COL15A1: variants seen among roughly 807,000 people sequenced by gnomAD.
The protein encoded by COL15A1 is collagen type XV alpha 1 chain.
A neutral mutation model predicts 165.9 loss-of-function variants in COL15A1; 111 were observed. That is an observed-to-expected ratio of 0.67 (90% CI 0.57 to 0.78). COL15A1 has a LOEUF of 0.78. Among genes scored for constraint, COL15A1 ranks in the 30% least tolerant of loss-of-function variants. The pLI, the probability that COL15A1 is intolerant of heterozygous loss-of-function variation, is 0.00. For synonymous variants in COL15A1, 659 were observed against 674.8 expected (o/e 0.98, Z 0.36); for missense variants, 1,745 against 1,789.7 (o/e 0.98, Z 0.45).
At chr9:99,036,419 C>T in intron 21 of COL15A1, 23 bp downstream of exon 21, 1 of 1,611,634 alleles carries the variant, frequency 6.2e-7, no homozygotes, top group South Asian at 1.1e-5. Context: ...CAGGTCAGAG[C>T]TTGTCTACAT....
At position 99,034,625 on chromosome 9, in the gene COL15A1, C is replaced by T. The variant is rs778619141; in HGVS notation, c.2079+41C>T. 3.9e-5 allele frequency: 51 copies of T among 1,292,050 alleles called. No individual in the cohort carries two copies. In the Admixed American group the frequency reaches 9.2e-4, roughly 23 times the overall value. The allele number at this position is 1,292,050 out of a possible 1,614,324, so 80.0% of individuals were successfully genotyped here. A position where few individuals can be genotyped will look rare whatever the true frequency, so the allele number is the denominator to read the frequency against. On this transcript the variant is annotated intron_variant, in intron 17 of 41. Transcript: ENST00000375001. ...AAAAAAAAAAAAAAAGAACTTTCTT[C>T]TCCCTCCTCCCCTTTCTTTGAGTTT...
chr9:99,024,743 A>G, intron 14 of COL15A1, 131 bp from the exon 15 acceptor site: 4 of 1,028,834 alleles, frequency 3.9e-6, no homozygotes, highest in Non-Finnish European at 4.2e-6. Context: ...TATTTTCCGC[A>G]TCTGCTAAGT....
chr9:99,035,417 T>G lies in COL15A1; in HGVS notation c.2288T>G (p.Ile763Ser), dbSNP rs747192434. The G allele has an allele frequency of 3.1e-6, 5 of 1,614,132 alleles. No individual in the cohort carries two copies. The highest frequency in any genetic ancestry group is 4.2e-6 in the Non-Finnish European group (5 of 1,180,042). ...AAACTCTCCAGACCAACGGCTGCAATTGTAGGTCGCCTCTGAAACCTTCAT... is the reference window on the plus strand; with the variant it reads ...AAACTCTCCAGACCAACGGCTGCAAGTGTAGGTCGCCTCTGAAACCTTCAT... ...EPKLSRPTAA[I>S]GLKGEKGDRG... Residue 763 changes from isoleucine to serine, a missense_variant and splice_region_variant, in exon 19 of 42, where the codon ATT becomes AGT. Physicochemically the swap from Ile to Ser is moderately radical, Grantham distance 142. Coordinates refer to ENST00000375001, the MANE Select transcript of COL15A1 (RefSeq NM_001855.5).
chr9:98,947,015 T>C (rs1382988425), intron 2 of COL15A1, among the ~76,000 whole-genome samples: 3 of 152,210 alleles, frequency 2.0e-5, no homozygotes, highest in Non-Finnish European at 4.4e-5. Flanking sequence ...AATATATACT[T>C]ACCCTACAAT....
chr9:98,953,050 G>C (rs887193494), intron 2 of COL15A1, among the ~76,000 whole-genome samples: 1 of 152,176 alleles, frequency 6.6e-6, no homozygotes, highest in African/African-American at 2.4e-5. Flanking sequence ...GGTATGATTA[G>C]ATAATGGGAG....
At chr9:99,038,860 A>G (rs2119062595) in intron 22 of COL15A1, 127 bp downstream of exon 22, 1 of 613,148 alleles carries the variant, frequency 1.6e-6, no homozygotes, top group African/African-American at 1.8e-5. Context: ...AGTAGAATGG[A>G]AAGAAAGCTT....
At chr9:99,017,644 C>T (rs768158406) in intron 11 of COL15A1, among the ~76,000 whole-genome samples, 14 of 152,098 alleles carry the variant, frequency 9.2e-5, no homozygotes, top group Non-Finnish European at 2.1e-4. Flanking sequence ...GCTTGCAGGG[C>T]ATCTAGTGGG....
chr9:99,031,944 T>G (rs1254288662), intron 16 of COL15A1, among the ~76,000 whole-genome samples: 1 of 152,056 alleles, frequency 6.6e-6, no homozygotes, highest in Non-Finnish European at 1.5e-5. Context: ...GTTTTTATTT[T>G]CTTATTTGGT....
rs1310366442 is a variant in COL15A1 at position 99,047,927 on chromosome 9, G to T, written c.2734-14G>T. ...GGGCGGAGGGTTTACTGAGGTGTCTGCTGTGGGTTCCAGGGTCGCCCAGGA... is the reference window on the plus strand; with the variant it reads ...GGGCGGAGGGTTTACTGAGGTGTCTTCTGTGGGTTCCAGGGTCGCCCAGGA... On this transcript the variant is annotated splice_polypyrimidine_tract_variant and intron_variant, in intron 27 of 41. Transcript: ENST00000375001. 1 of 1,610,362 alleles carries T rather than the reference G, an allele frequency of 6.2e-7. No individual in the cohort carries two copies. Among genetic ancestry groups the T allele is most frequent in the African/African-American group, 1.3e-5 (1 of 74,918 alleles).
chr9:99,008,461 C>CCACTGGTTTTGTAA (rs1295773555), intron 9 of COL15A1, among the ~76,000 whole-genome samples: 1 of 152,164 alleles, frequency 6.6e-6, no homozygotes, highest in Non-Finnish European at 1.5e-5. Context: ...ACCAGTGTCT[C>CCACTGGTTTTGTAA]CAGCTGTGCT....
At chr9:98,983,495 C>G (rs1443329899) in intron 2 of COL15A1, among the ~76,000 whole-genome samples, 1 of 152,208 alleles carries the variant, frequency 6.6e-6, no homozygotes, top group Non-Finnish European at 1.5e-5. Flanking sequence ...CCAGTCATCT[C>G]ATCTTCCCAA....
At chr9:99,055,415 A>C (rs747050735) in intron 34 of COL15A1, 43 bp downstream of exon 34, 2 of 1,262,164 alleles carry the variant, frequency 1.6e-6, no homozygotes, top group East Asian at 2.3e-5. Flanking sequence ...AAAGACTTAC[A>C]GCTTTCCCGG....
intron 26 of COL15A1, among the ~76,000 whole-genome samples, chr9:99,046,964 T>C (rs1366517238): frequency 6.6e-6 from 1 of 152,186 alleles, no homozygotes; most frequent in Non-Finnish European, 1.5e-5. Flanking sequence ...AGAGCATGGC[T>C]ATGTATGTTT....
intron 6 of COL15A1, among the ~76,000 whole-genome samples, 196 bp downstream of exon 6, chr9:98,997,277 G>A (rs1838565249): frequency 6.6e-6 from 1 of 152,134 alleles, no homozygotes; most frequent in Non-Finnish European, 1.5e-5. Flanking sequence ...ACCCAGCCAG[G>A]AGCAAACAGC....
At chr9:98,980,322 G>A (rs770857141) in intron 2 of COL15A1, among the ~76,000 whole-genome samples, 4 of 152,270 alleles carry the variant, frequency 2.6e-5, no homozygotes, top group Non-Finnish European at 4.4e-5. Flanking sequence ...GGAGGACCCC[G>A]TGTGTACAGA....
chr9:99,002,640 A>AT (rs1268926129), intron 7 of COL15A1, among the ~76,000 whole-genome samples: 2 of 152,224 alleles, frequency 1.3e-5, no homozygotes, highest in Non-Finnish European at 2.9e-5. Context: ...AAAGAGTCTC[A>AT]TTTTAACATC....
intron 2 of COL15A1, among the ~76,000 whole-genome samples, chr9:98,949,470 A>G (rs1389383026): frequency 1.3e-5 from 2 of 152,102 alleles, no homozygotes; most frequent in Non-Finnish European, 2.9e-5. Context: ...TGTCTTCTAA[A>G]TGGTTGTACA....
chr9:98,983,146 C>A (rs555613111), intron 2 of COL15A1, among the ~76,000 whole-genome samples: 78 of 152,194 alleles, frequency 5.1e-4, no homozygotes, highest in African/African-American at 1.9e-3. Flanking sequence ...CCTAGATATT[C>A]CATAATAATT....
rs112544376 is a variant in COL15A1, at chr9:99,013,545, T to G, written c.1354-1872T>G. 4.3e-3 allele frequency among the ~76,000 whole-genome samples: 584 copies of G among 135,386 alleles called. 6 individuals carry two copies. Among genetic ancestry groups the G allele is most frequent in the African/African-American group, 0.015 (543 of 35,890 alleles). 88.8% of individuals were successfully genotyped at this position (135,386 alleles called of 152,430 possible). ...ATTAGGGTCCTAAACAATAACTTCC[T>G]AGGAGAAAAAAAAAAAAAAACAGCT... is the stretch of plus-strand genomic sequence containing the variant. On this transcript the variant is annotated intron_variant, in intron 9 of 41. Transcript: ENST00000375001.
Sources: gnomAD v4.1 joint callset for allele counts (sites outside exome capture counted in the v4.1 genomes callset) on GRCh38, gnomAD v4.1.1 for gene constraint, MANE v1.5 for transcripts, NCBI Gene and HGNC (gene_info 2026-07-23, HGNC 2026-07-21) for gene names.